The following MAP4K5 variants were observed in gnomAD, a reference collection of about 807,000 sequenced individuals.
MAP4K5 encodes the protein mitogen-activated protein kinase kinase kinase kinase 5.
MAP4K5 carries 82 observed loss-of-function variants against 135.6 expected under a neutral mutation model. The observed-to-expected ratio is 0.60, with a 90% CI of 0.51 to 0.73. The LOEUF (loss-of-function observed/expected upper bound fraction) is 0.73, where lower values mean the gene tolerates loss of function less well. MAP4K5 is among the 30% of genes least tolerant of loss of function. The pLI is 0.00. For synonymous variants in MAP4K5, 347 were observed against 335.0 expected (o/e 1.04, Z -0.39); for missense variants, 907 against 1,010.9 (o/e 0.90, Z 1.39).
intron 13 of MAP4K5, among the ~76,000 whole-genome samples, chr14:50,459,754 G>A (rs1466572458): frequency 6.7e-6 from 1 of 150,212 alleles, no homozygotes; most frequent in Non-Finnish European, 1.5e-5. Context: ...TTGGAGTGCA[G>A]TGGCGCGATC....
chr14:50,477,810 C>T (rs1429121786), intron 6 of MAP4K5, among the ~76,000 whole-genome samples: 1 of 152,076 alleles, frequency 6.6e-6, no homozygotes, highest in African/African-American at 2.4e-5. Flanking sequence ...GAATAAACTC[C>T]ACTTATGATG....
chr14:50,479,581 C>T (rs184791636), intron 6 of MAP4K5, among the ~76,000 whole-genome samples: 6 of 151,778 alleles, frequency 4.0e-5, no homozygotes, highest in African/African-American at 7.3e-5. Flanking sequence ...TTTTTTATAC[C>T]TTCCATATCT....
chr14:50,503,543 T>C (rs1053535333), intron 3 of MAP4K5, among the ~76,000 whole-genome samples: 2 of 152,084 alleles, frequency 1.3e-5, no homozygotes, highest in African/African-American at 4.8e-5. Flanking sequence ...ATATGGCTTA[T>C]TGAGAATTCA....
intron 5 of MAP4K5, chr14:50,482,908 AAAAGGTAAC>A (rs2037281163): frequency 6.5e-6 from 1 of 152,920 alleles, no homozygotes; most frequent in Non-Finnish European, 1.5e-5. Context: ...AATCAAAAAC[AAAAGGTAAC>A]ACTGAGAATT....
At chr14:50,533,709 G>A (rs2038454051), upstream of MAP4K5, among the ~76,000 whole-genome samples, 1 of 152,172 alleles carries the variant, frequency 6.6e-6, no homozygotes, top group African/African-American at 2.4e-5. Flanking sequence ...ATGTTGGCTT[G>A]TGGCTTTGAA....
chr14:50,513,882 C>G (rs1430630959), intron 2 of MAP4K5, among the ~76,000 whole-genome samples: 1 of 152,158 alleles, frequency 6.6e-6, no homozygotes, highest in Non-Finnish European at 1.5e-5. Flanking sequence ...GACTGCTTCT[C>G]AGAGTCATAA....
chr14:50,452,179 AT>A (rs1479492011), intron 14 of MAP4K5, among the ~76,000 whole-genome samples: 3 of 152,102 alleles, frequency 2.0e-5, no homozygotes, highest in Non-Finnish European at 4.4e-5. Flanking sequence ...GACTTATGAT[AT>A]TTTCAACTTA....
intron 13 of MAP4K5, among the ~76,000 whole-genome samples, chr14:50,459,176 C>T (rs1290391590): frequency 1.3e-5 from 2 of 152,204 alleles, no homozygotes; most frequent in African/African-American, 4.8e-5. Context: ...TAGCTCCTTA[C>T]TAGACTTTTC....
intron 3 of MAP4K5, among the ~76,000 whole-genome samples, chr14:50,502,862 A>G (rs1362457095): frequency 6.6e-6 from 1 of 152,110 alleles, no homozygotes; most frequent in Non-Finnish European, 1.5e-5. Flanking sequence ...GAAACTAGCC[A>G]TTTGAAAAAA....
intron 31 of MAP4K5, among the ~76,000 whole-genome samples, chr14:50,424,914 C>T (rs928062599): frequency 1.1e-4 from 16 of 151,994 alleles, no homozygotes; most frequent in Non-Finnish European, 1.8e-4. Flanking sequence ...TTTAGTGACA[C>T]GTATCAGTAA....
At chr14:50,494,176 T>G (rs1054518266) in intron 3 of MAP4K5, among the ~76,000 whole-genome samples, 1 of 151,648 alleles carries the variant, frequency 6.6e-6, no homozygotes, top group Non-Finnish European at 1.5e-5. Flanking sequence ...TTTTATTTAT[T>G]TATTTTTTTT....
At chr14:50,479,618 A>T (rs1566668515) in intron 6 of MAP4K5, among the ~76,000 whole-genome samples, 1 of 152,300 alleles carries the variant, frequency 6.6e-6, no homozygotes, top group African/African-American at 2.4e-5. Flanking sequence ...TTAAACAGTT[A>T]TAACTGTTTT....
chr14:50,517,334 T>C (rs2140073743), intron 2 of MAP4K5, among the ~76,000 whole-genome samples: 1 of 152,046 alleles, frequency 6.6e-6, no homozygotes. Flanking sequence ...GTATTTTTAG[T>C]GGAGACGGGG....
chr14:50,442,392 ATACT>A (rs2036249278), intron 21 of MAP4K5, among the ~76,000 whole-genome samples: 1 of 152,162 alleles, frequency 6.6e-6, no homozygotes, highest in Non-Finnish European at 1.5e-5. Flanking sequence ...CAAGACATTA[ATACT>A]TAAACAATAA....
At chr14:50,505,174 T>C (rs1263898753) in intron 2 of MAP4K5, 2 of 212,802 alleles carry the variant, frequency 9.4e-6, no homozygotes, top group Non-Finnish European at 1.8e-5. Context: ...TCATGGGTTT[T>C]ATTTATATCA....
intron 3 of MAP4K5, among the ~76,000 whole-genome samples, chr14:50,498,662 T>A (rs1265552846): frequency 1.3e-5 from 2 of 152,252 alleles, no homozygotes; most frequent in African/African-American, 4.8e-5. Flanking sequence ...AATTTAGGAC[T>A]CTAAAATTAC....
At chr14:50,487,110 C>A (rs1402145604) in intron 3 of MAP4K5, among the ~76,000 whole-genome samples, 2 of 152,146 alleles carry the variant, frequency 1.3e-5, no homozygotes, top group South Asian at 4.1e-4. Context: ...TTTTAAAGAA[C>A]CTATCACTAC....
chr14:50,461,812 A>G (rs1405449455), intron 13 of MAP4K5, among the ~76,000 whole-genome samples: 3 of 151,966 alleles, frequency 2.0e-5, no homozygotes, highest in African/African-American at 7.2e-5. Flanking sequence ...CCAGCTACTC[A>G]GGAGGCTGAG....
chr14:50,442,855 GA>G, intron 20 of MAP4K5, 39 bp from the exon 21 acceptor site: 1 of 1,203,460 alleles, frequency 8.3e-7, no homozygotes, highest in Non-Finnish European at 1.2e-6. Context: ...TATTTGATTA[GA>G]AAATTTTATA....
Sources: allele counts gnomAD v4.1 joint callset (sites outside exome capture counted in the v4.1 genomes callset), GRCh38; gene constraint gnomAD v4.1.1; transcripts MANE v1.5; gene names NCBI Gene and HGNC (gene_info 2026-07-23, HGNC 2026-07-21).